Variants in ZNF573 observed in about 807,000 individuals in gnomAD.
The protein encoded by ZNF573 is zinc finger protein 573.
In ZNF573, 41 loss-of-function variants were observed where a neutral mutation model predicts 57.4. The ratio of observed to expected loss-of-function variants is 0.71; its 90% CI spans 0.56 to 0.93. ZNF573 has a LOEUF of 0.93. ZNF573 is among the 40% of genes least tolerant of loss of function. The probability of loss-of-function intolerance (pLI) is 0.00; values close to 1 mark genes in which losing one functional copy is unlikely to be tolerated. For missense variants in ZNF573, 730 were observed against 794.8 expected (o/e 0.92, Z 0.98); for synonymous variants, 249 against 261.0 (o/e 0.95, Z 0.44).
chr19:37,769,955 T>G (rs1212641495), intron 4 of ZNF573, 50 bp downstream of exon 4: 2 of 1,472,088 alleles, frequency 1.4e-6, no homozygotes, highest in East Asian at 2.5e-5. Context: ...CTCCTTTCTC[T>G]TACCACATGG....
chr19:37,763,545 C>T (rs536964299), intron 4 of ZNF573, among the ~76,000 whole-genome samples: 1 of 151,242 alleles, frequency 6.6e-6, no homozygotes, highest in Admixed American at 6.6e-5. Context: ...GCCTGGGCGA[C>T]AGAGTGAGAC....
At position 37,769,997 on chromosome 19, in the gene ZNF573, T is replaced by G. The variant is rs1278841707; in HGVS notation, c.295+8A>C. ...GCCGGCCCTGATGGTGTCCCCTGCC[T>G]TCCTTACCTGTGAACTGTGTTTCTT... On this transcript the variant is annotated splice_region_variant and intron_variant, in intron 4 of 4. Transcript: ENST00000536220. 6 of 1,550,824 alleles carry G rather than the reference T, an allele frequency of 3.9e-6. No homozygotes were observed. The highest frequency in any genetic ancestry group is 4.4e-6 in the Non-Finnish European group (5 of 1,146,530).
At chr19:37,767,315 G>A (rs2045611033) in intron 4 of ZNF573, among the ~76,000 whole-genome samples, 1 of 151,720 alleles carries the variant, frequency 6.6e-6, no homozygotes, top group East Asian at 1.9e-4. Flanking sequence ...TGCAAGCTCC[G>A]CCTCTCGGGT....
At chr19:37,750,227 C>T (rs537763116) in intron 4 of ZNF573, among the ~76,000 whole-genome samples, 5 of 151,978 alleles carry the variant, frequency 3.3e-5, no homozygotes, top group Non-Finnish European at 7.4e-5. Context: ...AGGCTACAGG[C>T]CTGCGCCACC....
intron 1 of ZNF573, 77 bp from the exon 2 acceptor site, chr19:37,773,828 T>C (rs2045681628): frequency 3.3e-6 from 3 of 907,398 alleles, no homozygotes; most frequent in Admixed American, 2.2e-5. Flanking sequence ...CTATTTCTCC[T>C]TCCAAATTAA....
At chr19:37,769,701 G>A (rs529125988) in intron 4 of ZNF573, among the ~76,000 whole-genome samples, 32 of 145,954 alleles carry the variant, frequency 2.2e-4, no homozygotes, top group Middle Eastern at 3.5e-3. Flanking sequence ...ACTCTGGCCC[G>A]GGCGACAGAG....
rs544794421 is a variant in ZNF573 at position 37,754,859 on chromosome 19, A to G, written c.296-14665T>C. Among the ~76,000 whole-genome samples the G allele has an allele frequency of 2.6e-5, 4 of 152,330 alleles. No homozygotes were observed. In the South Asian group the frequency reaches 8.3e-4, roughly 32 times the overall value. On this transcript the variant is annotated intron_variant, in intron 4 of 4. Coordinates refer to ENST00000536220, the MANE Select transcript of ZNF573 (RefSeq NM_001172690.2). ...AAGTTAGGAACAGCCACACAACATA[A>G]CACCTACTATCAAATCAATTTTCAA...
chr19:37,756,814 ATAT>A (rs1441553023), intron 4 of ZNF573, among the ~76,000 whole-genome samples: 2 of 151,812 alleles, frequency 1.3e-5, no homozygotes, highest in East Asian at 1.9e-4. Flanking sequence ...ATATAATCTC[ATAT>A]TATGATAAAA....
At chr19:37,744,246 TGA>T (rs1192148952) in intron 4 of ZNF573, among the ~76,000 whole-genome samples, 1 of 151,750 alleles carries the variant, frequency 6.6e-6, no homozygotes, top group East Asian at 1.9e-4. Context: ...TAAAACAACT[TGA>T]GAGATTAGGA....
chr19:37,776,545 T>C (rs1429220050), intron 1 of ZNF573, among the ~76,000 whole-genome samples: 1 of 152,016 alleles, frequency 6.6e-6, no homozygotes, highest in Non-Finnish European at 1.5e-5. Flanking sequence ...AAGATAACAT[T>C]GGAAAAACTC....
At chr19:37,745,705 T>A (rs1391681238) in intron 4 of ZNF573, among the ~76,000 whole-genome samples, 3 of 152,250 alleles carry the variant, frequency 2.0e-5, no homozygotes, top group African/African-American at 7.2e-5. Context: ...AAGATTGTAA[T>A]GTTTTGAAAG....
chr19:37,757,362 A>T (rs1271994022), intron 4 of ZNF573, among the ~76,000 whole-genome samples: 1 of 150,826 alleles, frequency 6.6e-6, no homozygotes, highest in East Asian at 1.9e-4. Flanking sequence ...GCGCCCGGCT[A>T]ATTTTTTGTA....
intron 4 of ZNF573, among the ~76,000 whole-genome samples, chr19:37,751,139 T>C (rs2145293582): frequency 8.8e-6 from 1 of 114,132 alleles, no homozygotes; most frequent in Admixed American, 9.3e-5. Context: ...AGACAGCATA[T>C]ATACTGTGTA....
chr19:37,763,560 T>C lies in ZNF573; in HGVS notation c.295+6445A>G, dbSNP rs554620982. On this transcript the variant is annotated intron_variant, in intron 4 of 4. Coordinates refer to ENST00000536220, the MANE Select transcript of ZNF573 (RefSeq NM_001172690.2). Reference sequence around the variant, plus strand: ...GCCTGGGCGACAGAGTGAGACTGTCTCAAAAAAAACAAAACAAAACAAAAA... The same window carrying C: ...GCCTGGGCGACAGAGTGAGACTGTCCCAAAAAAAACAAAACAAAACAAAAA... Among the ~76,000 whole-genome samples the C allele has an allele frequency of 2.0e-5, 3 of 149,848 alleles. No individual in the cohort carries two copies. In the East Asian group the frequency reaches 5.9e-4, roughly 30 times the overall value.
At chr19:37,775,010 CTCT>C (rs1187349488) in intron 1 of ZNF573, among the ~76,000 whole-genome samples, 1 of 141,680 alleles carries the variant, frequency 7.1e-6, no homozygotes. Context: ...TAAACTCTCT[CTCT>C]TTTTTTTTTT....
intron 4 of ZNF573, among the ~76,000 whole-genome samples, chr19:37,763,355 G>A (rs2045570743): frequency 6.6e-6 from 1 of 151,806 alleles, no homozygotes; most frequent in Non-Finnish European, 1.5e-5. Context: ...GGCCGTGGTG[G>A]GCAGATCACT....
At chr19:37,760,986 T>TC (rs1466156507) in intron 4 of ZNF573, among the ~76,000 whole-genome samples, 1 of 151,974 alleles carries the variant, frequency 6.6e-6, no homozygotes, top group Non-Finnish European at 1.5e-5. Context: ...TGACCTGAGG[T>TC]CAGGGGCTCA....
chr19:37,738,373 A>G lies in ZNF573; in HGVS notation c.*119T>C, dbSNP rs1339538190. On this transcript the variant is annotated 3_prime_UTR_variant, in exon 5 of 5. Transcript: ENST00000536220. ...ACATTGAATGCTTTCTAATGTGGCA[A>G]GATCTGCATTTTGAACTCTCTCAAT... is the stretch of plus-strand genomic sequence containing the variant. The G allele has an allele frequency of 2.7e-6, 3 of 1,105,864 alleles. No homozygotes were observed. The highest frequency in any genetic ancestry group is 2.4e-6 in the Non-Finnish European group (2 of 819,506). 68.5% of individuals were successfully genotyped at this position (1,105,864 alleles called of 1,614,324 possible).
chr19:37,771,681 T>A lies in ZNF573; in HGVS notation c.85A>T (p.Thr29Ser). 1.3e-6 allele frequency: 2 copies of A among 1,592,210 alleles called. No homozygotes were observed. Among genetic ancestry groups the A allele is most frequent in the Non-Finnish European group, 1.7e-6 (2 of 1,173,856 alleles). Reference sequence around the variant, plus strand: ...AAGTCTATGGCCACATCCCTGAATGTCACTAATTCCTGAAACTGCAAACCC... The same window carrying A: ...AAGTCTATGGCCACATCCCTGAATGACACTAATTCCTGAAACTGCAAACCC... ...KTMTCFQELV[T>S]FRDVAIDFSR... The change falls in exon 3 of 5, where the codon ACA (threonine) becomes TCA (serine). Residue 29 changes from threonine (T) to serine (S), a missense_variant. Thr to Ser is a moderately conservative substitution (Grantham distance 58). Transcript: ENST00000536220.
Sources: allele counts gnomAD v4.1 joint callset (sites outside exome capture counted in the v4.1 genomes callset), GRCh38; gene constraint gnomAD v4.1.1; transcripts MANE v1.5; gene names NCBI Gene and HGNC (gene_info 2026-07-23, HGNC 2026-07-21).